Variants in CLPB observed in about 807,000 individuals in gnomAD.
CLPB encodes the protein ClpB family mitochondrial disaggregase.
A neutral mutation model predicts 78.4 loss-of-function variants in CLPB; 40 were observed. The observed-to-expected ratio is 0.51, with a 90% CI of 0.40 to 0.66. CLPB has a LOEUF of 0.66. CLPB is among the 30% of genes least tolerant of loss of function. The pLI, the probability that CLPB is intolerant of heterozygous loss-of-function variation, is 0.00. For missense variants in CLPB, 780 were observed against 886.9 expected, an observed-to-expected ratio of 0.88 and a Z score of 1.53; for synonymous variants, 333 against 348.0, an observed-to-expected ratio of 0.96 and a Z score of 0.48.
In CLPB at chr11:72,319,357, A is replaced by G. The variant is rs578073877; in HGVS notation, c.874-2137T>C. Among the ~76,000 whole-genome samples, 24 of 152,310 alleles carry G rather than the reference A, an allele frequency of 1.6e-4. No individual in the cohort carries two copies. The South Asian group carries it at 2.5e-3, about 16-fold the overall frequency. The stretch of plus-strand genomic sequence containing the variant: ...AGGGCCTGGCTCACAGCAGGCGTCA[A>G]TTTGTGTTACTAACTGAATAAATGT... On this transcript the variant is annotated intron_variant, in intron 6 of 15. Transcript: ENST00000538039.
At chr11:72,373,997 C>T (rs1337850821) in intron 4 of CLPB, among the ~76,000 whole-genome samples, 1 of 149,034 alleles carries the variant, frequency 6.7e-6, no homozygotes, top group Non-Finnish European at 1.5e-5. Context: ...ATTACTTGCT[C>T]TGATAGTGAG....
At chr11:72,326,236 G>A (rs1344379608) in intron 6 of CLPB, among the ~76,000 whole-genome samples, 1 of 152,080 alleles carries the variant, frequency 6.6e-6, no homozygotes, top group East Asian at 1.9e-4. Context: ...CTTGGTAGGA[G>A]GGCTAGAGTC....
chr11:72,340,957 T>C lies in CLPB; in HGVS notation c.776-11153A>G, dbSNP rs1453488263. On this transcript the variant is annotated intron_variant, in intron 5 of 15. Coordinates refer to ENST00000538039, the MANE Select transcript of CLPB (RefSeq NM_001258392.3). The stretch of plus-strand genomic sequence containing the variant: ...GCTCCATCTCCTGGGTTCACGCCAT[T>C]CTCCTGCCTCAGCCTGGCACCACGC... 1.3e-5 allele frequency among the ~76,000 whole-genome samples: 2 copies of C among 152,160 alleles called. 1 individual carries two copies. Among genetic ancestry groups the C allele is most frequent in the South Asian group, 4.1e-4 (2 of 4,828 alleles).
At chr11:72,386,398 A>T (rs1187343956) in intron 3 of CLPB, among the ~76,000 whole-genome samples, 1 of 152,196 alleles carries the variant, frequency 6.6e-6, no homozygotes, top group Non-Finnish European at 1.5e-5. Flanking sequence ...ATTTTAAACA[A>T]ATTACTTATC....
chr11:72,336,991 C>T (rs988586403), intron 5 of CLPB: 4 of 398,572 alleles, frequency 1.0e-5, no homozygotes, highest in Non-Finnish European at 1.3e-5. Flanking sequence ...TCCTAGTGTC[C>T]TCCCTACTTA....
intron 9 of CLPB, among the ~76,000 whole-genome samples, chr11:72,305,932 A>G (rs1701195435): frequency 6.6e-6 from 1 of 152,238 alleles, no homozygotes; most frequent in African/African-American, 2.4e-5. Context: ...TAAACCACTC[A>G]GAATTCTTCA....
intron 4 of CLPB, among the ~76,000 whole-genome samples, chr11:72,379,396 G>A (rs551107446): frequency 1.9e-4 from 29 of 152,164 alleles, no homozygotes; most frequent in Non-Finnish European, 2.6e-4. Context: ...CTGGATAAAC[G>A]AAAGCTCAAA....
Position 72,403,057 on chromosome 11 carries a change from A to G in CLPB, c.456-5T>C, listed in dbSNP as rs1215627634. The G allele has an allele frequency of 1.2e-6, 2 of 1,612,640 alleles. No homozygotes were observed. Among genetic ancestry groups the G allele is most frequent in the Admixed American group, 1.7e-5 (1 of 60,008 alleles). On this transcript the variant is annotated splice_polypyrimidine_tract_variant and splice_region_variant and intron_variant, in intron 2 of 15. Transcript: ENST00000538039. Reference sequence around the variant, plus strand: ...TCTGCACCTTCTGACAACAGCCTAAAACAAGACAGAGGAATATTTTCAGTG... The same window carrying G: ...TCTGCACCTTCTGACAACAGCCTAAGACAAGACAGAGGAATATTTTCAGTG...
At chr11:72,354,307 C>T (rs1950667005) in intron 5 of CLPB, 1 of 394,392 alleles carries the variant, frequency 2.5e-6, no homozygotes, top group Admixed American at 4.4e-5. Flanking sequence ...ATAGCTAGTA[C>T]CATTTTAGAT....
chr11:72,335,651 C>T (rs890163150), intron 5 of CLPB, among the ~76,000 whole-genome samples: 2 of 152,216 alleles, frequency 1.3e-5, no homozygotes, highest in Non-Finnish European at 2.9e-5. Context: ...ATAGGTCTTT[C>T]GGCTTCCATC....
chr11:72,407,513 G>A (rs1337857865), intron 2 of CLPB, among the ~76,000 whole-genome samples: 3 of 152,124 alleles, frequency 2.0e-5, no homozygotes, highest in African/African-American at 4.8e-5. Context: ...AAGAACTCCT[G>A]GAAGAGGCAT....
At chr11:72,400,443 G>C (rs1042847623) in intron 3 of CLPB, among the ~76,000 whole-genome samples, 11 of 152,180 alleles carry the variant, frequency 7.2e-5, no homozygotes, top group African/African-American at 2.7e-4. Context: ...AATCAGTTAA[G>C]CCAACAACTC....
At chr11:72,299,128 C>T (rs150102846) in intron 11 of CLPB, among the ~76,000 whole-genome samples, 2 of 152,180 alleles carry the variant, frequency 1.3e-5, no homozygotes, top group Non-Finnish European at 2.9e-5. Flanking sequence ...CTGTGTTCGC[C>T]GCCTTAGCTG....
chr11:72,305,364 C>T (rs535035340), intron 9 of CLPB, among the ~76,000 whole-genome samples: 1 of 152,340 alleles, frequency 6.6e-6, no homozygotes, highest in Admixed American at 6.5e-5. Flanking sequence ...AGATGGGGCA[C>T]TGCTATGGTA....
intron 11 of CLPB, among the ~76,000 whole-genome samples, chr11:72,301,067 A>G (rs1949646579): frequency 6.6e-6 from 1 of 152,208 alleles, no homozygotes; most frequent in Non-Finnish European, 1.5e-5. Context: ...TTCATCTGTA[A>G]AAAATGAGCT....
At chr11:72,328,809 T>A (rs1374024063) in intron 6 of CLPB, among the ~76,000 whole-genome samples, 1 of 152,186 alleles carries the variant, frequency 6.6e-6, no homozygotes, top group Non-Finnish European at 1.5e-5. Flanking sequence ...GCAAGCCACA[T>A]CACAGCCCTG....
chr11:72,305,754 A>G (rs1477261121), intron 9 of CLPB, among the ~76,000 whole-genome samples: 1 of 152,170 alleles, frequency 6.6e-6, no homozygotes, highest in East Asian at 1.9e-4. Context: ...CCAACTAAAA[A>G]ATTACTTGCA....
chr11:72,432,326 T>C (rs1039123929), intron 1 of CLPB, among the ~76,000 whole-genome samples: 2 of 152,222 alleles, frequency 1.3e-5, no homozygotes, highest in Admixed American at 6.5e-5. Flanking sequence ...GTTGCTAGTA[T>C]AACCTGAAAA....
chr11:72,430,558 CA>C lies in CLPB; in HGVS notation c.404-196del, dbSNP rs1188065257. Reference sequence around the variant, plus strand: ...TCCACTGTTAACAACCTGACTTCCACACCTTTCTACTACAGAGCCCAAACTC... The same window carrying C: ...TCCACTGTTAACAACCTGACTTCCACCCTTTCTACTACAGAGCCCAAACTC... On this transcript the variant is annotated intron_variant, in intron 1 of 15. Transcript: ENST00000538039. 3 of 576,408 alleles carry C rather than the reference CA, an allele frequency of 5.2e-6. No homozygotes were observed. The African/African-American group carries it at 5.6e-5, about 11-fold the overall frequency. 35.7% of individuals were successfully genotyped at this position (576,408 alleles called of 1,614,324 possible).
Sources: gnomAD v4.1 joint callset for allele counts (sites outside exome capture counted in the v4.1 genomes callset) on GRCh38, gnomAD v4.1.1 for gene constraint, MANE v1.5 for transcripts, NCBI Gene and HGNC (gene_info 2026-07-23, HGNC 2026-07-21) for gene names.